SPINK4: variants seen among roughly 807,000 people sequenced by gnomAD.
SPINK4 encodes the protein serine protease inhibitor Kazal-type 4.
A neutral mutation model predicts 12.3 loss-of-function variants in SPINK4; 10 were observed. The ratio of observed to expected loss-of-function variants is 0.81; its 90% CI spans 0.50 to 1.37. The LOEUF (loss-of-function observed/expected upper bound fraction) is 1.37. SPINK4 is among the 40% of genes most tolerant of loss of function. The pLI is 0.00. For missense variants in SPINK4, 91 were observed against 109.0 expected, an observed-to-expected ratio of 0.84 and a Z score of 0.73; for synonymous variants, 37 against 40.2, an observed-to-expected ratio of 0.92 and a Z score of 0.30.
chr9:33,248,524 C>A lies in SPINK4; in HGVS notation c.*53C>A. On this transcript the variant is annotated 3_prime_UTR_variant, in exon 4 of 4. Coordinates refer to ENST00000379721, the MANE Select transcript of SPINK4 (RefSeq NM_014471.3). ...GTGTCAGCTGGAGAACAGTGGTGGG[C>A]ATGGAGAGGATATGACATGAAATAA... is the stretch of plus-strand genomic sequence containing the variant. The A allele has an allele frequency of 6.3e-7, 1 of 1,599,066 alleles. No individual in the cohort carries two copies. The highest frequency in any genetic ancestry group is 8.6e-7 in the Non-Finnish European group (1 of 1,168,016).
chr9:33,242,472 A>G (rs1192813896), intron 1 of SPINK4, among the ~76,000 whole-genome samples: 2 of 152,108 alleles, frequency 1.3e-5, no homozygotes, highest in African/African-American at 2.4e-5. Context: ...GCAGGGCCCA[A>G]TCTAGGACCC....
intron 1 of SPINK4, among the ~76,000 whole-genome samples, chr9:33,240,639 C>T (rs1364945061): frequency 6.6e-6 from 1 of 152,182 alleles, no homozygotes; most frequent in Non-Finnish European, 1.5e-5. Flanking sequence ...ATGCTGGGTG[C>T]AGGGTGGTGG....
intron 2 of SPINK4, 29 bp from the exon 3 acceptor site, chr9:33,246,587 G>T: frequency 6.3e-7 from 1 of 1,595,198 alleles, no homozygotes; most frequent in South Asian, 1.1e-5. Context: ...CTGAATCCCT[G>T]AGTCCTCTCC....
At chr9:33,242,267 C>T (rs969587093) in intron 1 of SPINK4, among the ~76,000 whole-genome samples, 12 of 152,296 alleles carry the variant, frequency 7.9e-5, no homozygotes, top group East Asian at 5.8e-4. Flanking sequence ...CATAGGGAGG[C>T]GGGGTGACCC....
intron 1 of SPINK4, among the ~76,000 whole-genome samples, chr9:33,243,897 G>A (rs1352813577): frequency 6.6e-6 from 1 of 152,108 alleles, no homozygotes; most frequent in African/African-American, 2.4e-5. Context: ...CTCCAGTGAT[G>A]GGAAACTCAC....
chr9:33,240,169 A>G lies in SPINK4; in HGVS notation c.-40A>G, dbSNP rs1434890188. 2 of 1,557,330 alleles carry G rather than the reference A, an allele frequency of 1.3e-6. No homozygotes were observed. The highest frequency in any genetic ancestry group is 1.7e-6 in the Non-Finnish European group (2 of 1,152,800). ...TAGGCCCCCATCCTTCCTCAGGCGC[A>G]GGCCCCAGCCAGCTCAGGCTACACT... On this transcript the variant is annotated 5_prime_UTR_variant, in exon 1 of 4. Coordinates refer to ENST00000379721, the MANE Select transcript of SPINK4 (RefSeq NM_014471.3).
In SPINK4 at chr9:33,245,166, G is replaced by A. The variant is rs369230241; in HGVS notation, c.102+14G>A. On this transcript the variant is annotated intron_variant, in intron 2 of 3. Transcript: ENST00000379721. ...TTCTCAAGAATGGTAAGGCAGCTGC[G>A]TGTTGTTCTCACCTTCTCTCTGCTG... is the stretch of plus-strand genomic sequence containing the variant. 39 of 1,612,580 alleles carry A rather than the reference G, an allele frequency of 2.4e-5. No homozygotes were observed. Among genetic ancestry groups the A allele is most frequent in the Non-Finnish European group, 3.1e-5 (37 of 1,179,424 alleles).
intron 1 of SPINK4, among the ~76,000 whole-genome samples, chr9:33,241,111 T>C (rs974091618): frequency 7.9e-6 from 1 of 126,956 alleles, no homozygotes; most frequent in Non-Finnish European, 1.5e-5. Context: ...CTAAGCCATG[T>C]GGATATCTGG....
At chr9:33,242,419 G>A (rs1820246321) in intron 1 of SPINK4, among the ~76,000 whole-genome samples, 2 of 148,852 alleles carry the variant, frequency 1.3e-5, no homozygotes, top group Non-Finnish European at 1.5e-5. Context: ...GGAGGAGAAC[G>A]GAGACGAAGA....
rs1339601936 is a variant in SPINK4, at chr9:33,248,465, A to G, written c.255A>G (p.Lys85=). 3.7e-6 allele frequency: 6 copies of G among 1,613,938 alleles called. No homozygotes were observed. Among genetic ancestry groups the G allele is most frequent in the Admixed American group, 3.3e-5 (2 of 59,996 alleles). ...ACATCCAGATCATGAAAGATGGCAAATGCTGATCCCACAGGAGCACCTCAA... is the reference window on the plus strand; with the variant it reads ...ACATCCAGATCATGAAAGATGGCAAGTGCTGATCCCACAGGAGCACCTCAA... The part of the protein sequence containing the change: ...KQDIQIMKDG[K]C The change falls in exon 4 of 4, where the codon AAA becomes AAG. Residue 85 remains lysine, a synonymous_variant. Transcript: ENST00000379721.
intron 2 of SPINK4, among the ~76,000 whole-genome samples, chr9:33,245,631 C>T (rs1323083396): frequency 1.3e-5 from 2 of 152,176 alleles, no homozygotes; most frequent in East Asian, 3.9e-4. Flanking sequence ...GCCTAATGCC[C>T]CCAGTGACCC....
In SPINK4 at chr9:33,240,378, G is replaced by A; in HGVS notation, c.61+109G>A. The A allele has an allele frequency of 4.1e-6, 4 of 974,250 alleles. No homozygotes were observed. In the South Asian group the frequency reaches 7.4e-5, roughly 18 times the overall value. The allele number at this position is 974,250 out of a possible 1,614,324, so 60.4% of individuals were successfully genotyped here. A position where few individuals can be genotyped will look rare whatever the true frequency, so the allele number is the denominator to read the frequency against. Reference sequence around the variant, plus strand: ...CCTGTGAGGCCTCAGCTTTTTCCATGTACCTTCATTCTGCATATGCACCCT... The same window carrying A: ...CCTGTGAGGCCTCAGCTTTTTCCATATACCTTCATTCTGCATATGCACCCT... On this transcript the variant is annotated intron_variant, in intron 1 of 3. Transcript: ENST00000379721.
chr9:33,246,553 C>G, intron 2 of SPINK4, 63 bp from the exon 3 acceptor site: 1 of 1,440,466 alleles, frequency 6.9e-7, no homozygotes, highest in South Asian at 1.1e-5. Context: ...CCGAGCAGAA[C>G]CCCTGTATCC....
chr9:33,246,838 G>A (rs1241704480), intron 3 of SPINK4, 110 bp downstream of exon 3: 8 of 877,224 alleles, frequency 9.1e-6, no homozygotes, highest in Admixed American at 6.0e-5. Flanking sequence ...CTTGACCTGA[G>A]AAGAGTCCTC....
In SPINK4 at chr9:33,248,484, A is replaced by G. The variant is rs200874207; in HGVS notation, c.*13A>G. ...TGGCAAATGCTGATCCCACAGGAGC[A>G]CCTCAAGCCATGAAGTGTCAGCTGG... is the stretch of plus-strand genomic sequence containing the variant. On this transcript the variant is annotated 3_prime_UTR_variant, in exon 4 of 4. Transcript: ENST00000379721. 5.0e-5 allele frequency: 80 copies of G among 1,613,736 alleles called. No homozygotes were observed. Among genetic ancestry groups the G allele is most frequent in the Non-Finnish European group, 6.6e-5 (78 of 1,179,994 alleles).
intron 1 of SPINK4, 136 bp downstream of exon 1, chr9:33,240,405 C>T (rs1820221274): frequency 1.4e-6 from 1 of 727,398 alleles, no homozygotes; most frequent in Non-Finnish European, 2.1e-6. Context: ...ATGCACCCTC[C>T]ACTGTGCTGG....
chr9:33,242,294 C>G (rs1234056153), intron 1 of SPINK4, among the ~76,000 whole-genome samples: 1 of 151,848 alleles, frequency 6.6e-6, no homozygotes, highest in Non-Finnish European at 1.5e-5. Context: ...TGGGACAGTA[C>G]ATGGTGGTGT....
At chr9:33,241,469 C>T (rs186022005) in intron 1 of SPINK4, among the ~76,000 whole-genome samples, 28 of 152,244 alleles carry the variant, frequency 1.8e-4, no homozygotes, top group African/African-American at 5.5e-4. Flanking sequence ...TATAAGGCAA[C>T]GCCTGGCAGG....
At chr9:33,244,993 G>T (rs774723277) in intron 1 of SPINK4, 119 bp from the exon 2 acceptor site, 13 of 912,032 alleles carry the variant, frequency 1.4e-5, no homozygotes, top group Non-Finnish European at 2.2e-5. Flanking sequence ...ACCTTTCCTT[G>T]AGGAATTCCA....
Sources: allele counts gnomAD v4.1 joint callset (sites outside exome capture counted in the v4.1 genomes callset), GRCh38; gene constraint gnomAD v4.1.1; transcripts MANE v1.5; gene names NCBI Gene and HGNC (gene_info 2026-07-23, HGNC 2026-07-21).